Variants in RBMS1 observed in about 807,000 individuals in gnomAD.
RBMS1 encodes the protein RNA-binding motif, single-stranded-interacting protein 1.
A neutral mutation model predicts 62.3 loss-of-function variants in RBMS1; 17 were observed. The observed-to-expected ratio is 0.27, with a 90% CI of 0.19 to 0.41. The LOEUF (loss-of-function observed/expected upper bound fraction) is 0.41. RBMS1 is among the 10% of genes least tolerant of loss of function. The pLI is 1.00. For missense variants in RBMS1, 334 were observed against 504.5 expected (o/e 0.66, Z 3.24); for synonymous variants, 172 against 170.0 (o/e 1.01, Z -0.09).
intron 3 of RBMS1, among the ~76,000 whole-genome samples, chr2:160,317,284 G>A (rs2105968554): frequency 1.3e-5 from 2 of 152,300 alleles, no homozygotes; most frequent in Admixed American, 1.3e-4. Flanking sequence ...ATTGTGCTAA[G>A]CCACTGCCCC....
At chr2:160,360,479 C>A (rs1693065846) in intron 2 of RBMS1, among the ~76,000 whole-genome samples, 1 of 152,164 alleles carries the variant, frequency 6.6e-6, no homozygotes, top group Admixed American at 6.5e-5. Context: ...CGTTAACTGT[C>A]TTAGTCAAGA....
intron 1 of RBMS1, among the ~76,000 whole-genome samples, chr2:160,421,281 T>C (rs1265258608): frequency 6.6e-6 from 1 of 151,764 alleles, no homozygotes; most frequent in Non-Finnish European, 1.5e-5. Flanking sequence ...GATCTCCTAA[T>C]GCTATTCCCT....
intron 1 of RBMS1, among the ~76,000 whole-genome samples, chr2:160,455,157 C>T (rs114702230): frequency 6.6e-6 from 1 of 152,102 alleles, no homozygotes; most frequent in Non-Finnish European, 1.5e-5. Flanking sequence ...AGAAAAAGAC[C>T]GGTATCTGAT....
intron 2 of RBMS1, chr2:160,366,872 G>C (rs1398954530): frequency 2.7e-5 from 5 of 183,346 alleles, no homozygotes. Context: ...TCATAGGATA[G>C]ACCGGCCCTC....
chr2:160,455,535 G>T (rs1449491435), intron 1 of RBMS1, among the ~76,000 whole-genome samples: 1 of 152,214 alleles, frequency 6.6e-6, no homozygotes, highest in Admixed American at 6.5e-5. Flanking sequence ...AAGCAGTCAT[G>T]CTGCATGGAT....
intron 4 of RBMS1, among the ~76,000 whole-genome samples, chr2:160,311,655 C>CTCAAAAGA (rs1689930058): frequency 6.7e-6 from 1 of 149,006 alleles, no homozygotes; most frequent in Non-Finnish European, 1.5e-5. Flanking sequence ...AAAAAGAATA[C>CTCAAAAGA]TCAAAAGATC....
chr2:160,318,140 T>TTA, intron 3 of RBMS1, 29 bp downstream of exon 3: 1 of 1,582,052 alleles, frequency 6.3e-7, no homozygotes, highest in East Asian at 2.3e-5. Context: ...AAGCTATCAT[T>TTA]TACCAAATAA....
At chr2:160,278,125 T>C (rs1394500182) in intron 11 of RBMS1, 11 of 190,706 alleles carry the variant, frequency 5.8e-5, no homozygotes, top group Non-Finnish European at 2.2e-5. Context: ...CCCTGGACTT[T>C]GGTGAAATAT....
intron 1 of RBMS1, among the ~76,000 whole-genome samples, chr2:160,482,284 C>A (rs1200549799): frequency 6.6e-6 from 1 of 152,198 alleles, no homozygotes; most frequent in East Asian, 1.9e-4. Flanking sequence ...ATAGAAGTCA[C>A]ACTAGTAGTT....
intron 4 of RBMS1, among the ~76,000 whole-genome samples, chr2:160,306,910 G>A (rs116360400): frequency 7.9e-5 from 12 of 152,002 alleles, no homozygotes; most frequent in Non-Finnish European, 1.6e-4. Flanking sequence ...ACAATGCTAT[G>A]TGTGAAAAAA....
chr2:160,482,497 T>G (rs1685411882), intron 1 of RBMS1, among the ~76,000 whole-genome samples: 1 of 152,226 alleles, frequency 6.6e-6, no homozygotes, highest in South Asian at 2.1e-4. Flanking sequence ...TTCCAGGGCC[T>G]AATACCATGC....
chr2:160,396,429 C>T (rs191548118), intron 1 of RBMS1, among the ~76,000 whole-genome samples: 43 of 152,222 alleles, frequency 2.8e-4, no homozygotes, highest in Non-Finnish European at 4.4e-5. Context: ...CTCATTTAAT[C>T]CTCCAAACAA....
At chr2:160,414,885 G>A (rs902185934) in intron 1 of RBMS1, among the ~76,000 whole-genome samples, 2 of 151,684 alleles carry the variant, frequency 1.3e-5, no homozygotes, top group African/African-American at 2.4e-5. Context: ...GGTACATGGA[G>A]TCATATCCTT....
intron 8 of RBMS1, 58 bp from the exon 9 acceptor site, chr2:160,284,926 A>G: frequency 6.4e-7 from 1 of 1,571,744 alleles, no homozygotes; most frequent in South Asian, 1.1e-5. Context: ...AATTCATGGA[A>G]CAAATGTCTG....
At chr2:160,435,424 C>A (rs1683069823) in intron 1 of RBMS1, among the ~76,000 whole-genome samples, 1 of 152,142 alleles carries the variant, frequency 6.6e-6, no homozygotes, top group African/African-American at 2.4e-5. Context: ...AAGTGATTTG[C>A]CAAAGGTGAC....
intron 4 of RBMS1, among the ~76,000 whole-genome samples, chr2:160,306,727 T>C (rs1358802313): frequency 1.3e-5 from 2 of 151,964 alleles, no homozygotes; most frequent in Non-Finnish European, 2.9e-5. Context: ...CACGGGTGTT[T>C]TTTTTTTCTT....
At chr2:160,450,578 A>AAAAAAAAAAAAAAT (rs1683937251) in intron 1 of RBMS1, among the ~76,000 whole-genome samples, 1 of 149,480 alleles carries the variant, frequency 6.7e-6, no homozygotes. Flanking sequence ...AAAAAAAAAA[A>AAAAAAAAAAAAAAT]ACAAAAAACA....
At chr2:160,323,628 A>C (rs1054650222) in intron 2 of RBMS1, among the ~76,000 whole-genome samples, 1 of 151,708 alleles carries the variant, frequency 6.6e-6, no homozygotes, top group African/African-American at 2.4e-5. Context: ...AAAAAAAAAA[A>C]AAACTGTGAC....
intron 2 of RBMS1, among the ~76,000 whole-genome samples, chr2:160,336,235 T>C (rs532181581): frequency 2.4e-4 from 36 of 152,202 alleles, no homozygotes; most frequent in Non-Finnish European, 4.3e-4. Context: ...AAAAGCTAAG[T>C]CATTTCTCCT....
Sources: allele counts gnomAD v4.1 joint callset (sites outside exome capture counted in the v4.1 genomes callset), GRCh38; gene constraint gnomAD v4.1.1; transcripts MANE v1.5; gene names NCBI Gene and HGNC (gene_info 2026-07-23, HGNC 2026-07-21).